FNBP1: variants seen among roughly 807,000 people sequenced by gnomAD.
FNBP1 encodes the protein formin-binding protein 1.
Under a neutral mutation model 90.6 loss-of-function variants are expected in FNBP1, and 26 were observed. That is an observed-to-expected ratio of 0.29 (90% CI 0.21 to 0.40). The LOEUF is 0.40. Ranked by LOEUF, FNBP1 falls within the 10% of genes least tolerant of loss-of-function variation. FNBP1 has a pLI of 1.00. For missense variants in FNBP1, 635 were observed against 768.0 expected (o/e 0.83, Z 2.05); for synonymous variants, 260 against 265.2 (o/e 0.98, Z 0.19).
Position 129,900,145 on chromosome 9 carries a change from C to A in FNBP1, c.1551-44G>T. 6.5e-7 allele frequency: 1 copy of A among 1,537,734 alleles called. No individual in the cohort carries two copies. Among genetic ancestry groups the A allele is most frequent in the Admixed American group, 2.0e-5 (1 of 49,010 alleles). On this transcript the variant is annotated intron_variant, in intron 14 of 16. Coordinates refer to ENST00000446176, the MANE Select transcript of FNBP1 (RefSeq NM_015033.3). The surrounding 1 kb of genome is among the most constrained non-coding windows in gnomAD (Gnocchi z 4.1). ...CACAAAGCAACTAAAGCGACTGACC[C>A]CAGGGAGGACTCAGATTGAGTCCCT...
chr9:129,924,596 C>T (rs993722769), intron 9 of FNBP1, among the ~76,000 whole-genome samples: 3 of 152,106 alleles, frequency 2.0e-5, no homozygotes, highest in Non-Finnish European at 2.9e-5. Flanking sequence ...AACATGGTAA[C>T]GATTTCCAGT....
At chr9:130,014,949 C>T (rs2057068931) in intron 1 of FNBP1, among the ~76,000 whole-genome samples, 1 of 150,348 alleles carries the variant, frequency 6.7e-6, no homozygotes, top group Non-Finnish European at 1.5e-5. Context: ...GCAAAAAAGA[C>T]TTCACCCTTG....
At chr9:130,032,038 C>A (rs1589383533) in intron 1 of FNBP1, among the ~76,000 whole-genome samples, 1 of 152,154 alleles carries the variant, frequency 6.6e-6, no homozygotes, top group Admixed American at 6.6e-5. Context: ...CACCACTACT[C>A]CTCTTGCCAA....
chr9:129,996,843 G>A lies in FNBP1; in HGVS notation c.25-1885C>T, dbSNP rs186076134. On this transcript the variant is annotated intron_variant, in intron 1 of 16. Coordinates refer to ENST00000446176, the MANE Select transcript of FNBP1 (RefSeq NM_015033.3). ...TGAGTAACTGGGACTATTGGCACCC[G>A]CCACCATGCCTTCACTAATTTTTGT... Among the ~76,000 whole-genome samples the A allele has an allele frequency of 1.4e-3, 207 of 152,066 alleles. 1 individual carries two copies. Among genetic ancestry groups the A allele is most frequent in the African/African-American group, 4.8e-3 (200 of 41,530 alleles).
At chr9:129,916,085 C>T (rs2040218177) in intron 10 of FNBP1, 105 bp from the exon 11 acceptor site, 2 of 786,210 alleles carry the variant, frequency 2.5e-6, no homozygotes, top group Non-Finnish European at 4.3e-6. Flanking sequence ...TGGTCAGTTC[C>T]GCCATATTAA....
chr9:130,037,942 T>C (rs1019685132), intron 1 of FNBP1, among the ~76,000 whole-genome samples: 2 of 152,288 alleles, frequency 1.3e-5, no homozygotes, highest in East Asian at 3.9e-4. Flanking sequence ...GTACAGTTGG[T>C]AGACAATCCT....
chr9:129,957,281 G>A lies in FNBP1; in HGVS notation c.513+79C>T, dbSNP rs562425026. 45 of 991,272 alleles carry A rather than the reference G, an allele frequency of 4.5e-5. No individual in the cohort carries two copies. Among genetic ancestry groups the A allele is most frequent in the Admixed American group, 7.9e-5 (4 of 50,576 alleles). The allele number at this position is 991,272 out of a possible 1,614,324, so 61.4% of individuals were successfully genotyped here. On this transcript the variant is annotated intron_variant, in intron 6 of 16. Transcript: ENST00000446176. This position sits in a 1 kb window ranked among gnomAD's most constrained non-coding sequence, Gnocchi z 4.3. ...TCGAACTCCTGGCCTCAGGTGATCCGCTCACCTCAGCCTCCCAAAGTGCTG... is the reference window on the plus strand; with the variant it reads ...TCGAACTCCTGGCCTCAGGTGATCCACTCACCTCAGCCTCCCAAAGTGCTG...
At position 129,907,434 on chromosome 9, in the gene FNBP1, C is replaced by A. The variant is rs961045395; in HGVS notation, c.1295+1456G>T. On this transcript the variant is annotated intron_variant, in intron 12 of 16. Transcript: ENST00000446176. The stretch of plus-strand genomic sequence containing the variant: ...AGTAACTGATAGAGCCAGATTTGAC[C>A]CCAGGGTATCTGGAGTGCTTGGTAT... Among the ~76,000 whole-genome samples the A allele has an allele frequency of 2.0e-5, 3 of 152,110 alleles. No individual in the cohort carries two copies. The South Asian group carries it at 6.2e-4, about 32-fold the overall frequency.
At chr9:130,010,425 T>C (rs1289162935) in intron 1 of FNBP1, among the ~76,000 whole-genome samples, 1 of 152,184 alleles carries the variant, frequency 6.6e-6, no homozygotes, top group Non-Finnish European at 1.5e-5. Context: ...ACCCGGATAC[T>C]TTTTGTATTT....
chr9:129,986,507 A>C (rs941815806), intron 2 of FNBP1, among the ~76,000 whole-genome samples: 1 of 152,118 alleles, frequency 6.6e-6, no homozygotes, highest in Non-Finnish European at 1.5e-5. Context: ...GGATCTAAAG[A>C]TAGGCCGGGC....
At chr9:130,048,703 C>T in the FNBP1 span, among the ~76,000 whole-genome samples, 1 of 148,920 alleles carries the variant, frequency 6.7e-6, no homozygotes, top group African/African-American at 2.5e-5. Context: ...TGGTCTCGAT[C>T]TCCTGACCTC....
rs377398980 is a variant in FNBP1 at position 129,957,444 on chromosome 9, G to A, written c.429C>T (p.Arg143=). 64 of 1,613,210 alleles carry A rather than the reference G, an allele frequency of 4.0e-5. No homozygotes were observed. The Middle Eastern group carries it at 4.9e-4, about 12-fold the overall frequency. ...QLESSKRRFE[R]DCKEADRAQQ... ...GCGCCCTGTCCGCCTCTTTGCAATC[G>A]CGTTCAAATCGCCTTTTACTCTAAA... Residue 143 remains arginine, a synonymous_variant, in exon 6 of 17, where the codon CGC becomes CGT. Transcript: ENST00000446176. This position sits in a 1 kb window ranked among gnomAD's most constrained non-coding sequence, Gnocchi z 4.3.
intron 11 of FNBP1, among the ~76,000 whole-genome samples, chr9:129,913,123 G>A (rs919991755): frequency 2.0e-5 from 3 of 152,034 alleles, no homozygotes; most frequent in African/African-American, 7.2e-5. Flanking sequence ...CAGGAGAAAC[G>A]CTTCAACCCG....
intron 4 of FNBP1, among the ~76,000 whole-genome samples, chr9:129,958,932 G>T (rs1281594614): frequency 8.1e-6 from 1 of 123,034 alleles, no homozygotes; most frequent in African/African-American, 3.1e-5. Flanking sequence ...GCCACATTGA[G>T]CTGTGATTGC....
chr9:129,958,400 C>T, intron 5 of FNBP1, 91 bp downstream of exon 5: 1 of 991,644 alleles, frequency 1.0e-6, no homozygotes, highest in East Asian at 2.7e-5. Context: ...CCATTGCACT[C>T]CAACCTGGGC....
chr9:129,890,585 TAGAG>T lies in FNBP1; in HGVS notation c.1847-43_1847-40del. 6.4e-7 allele frequency: 1 copy of T among 1,559,866 alleles called. No homozygotes were observed. Among genetic ancestry groups the T allele is most frequent in the Non-Finnish European group, 8.7e-7 (1 of 1,150,766 alleles). On this transcript the variant is annotated intron_variant, in intron 16 of 16. Coordinates refer to ENST00000446176, the MANE Select transcript of FNBP1 (RefSeq NM_015033.3). This position sits in a 1 kb window ranked among gnomAD's most constrained non-coding sequence, Gnocchi z 5.8. ...AGAAACAGAAAGAGAAACTCTCTGT[TAGAG>T]AGGAAGGCGCGGGTTCCAGGCGGGC...
chr9:130,021,577 G>C lies in FNBP1; in HGVS notation c.24+21375C>G, dbSNP rs116284188. 6.2e-3 allele frequency among the ~76,000 whole-genome samples: 945 copies of C among 152,114 alleles called. 5 individuals carry two copies. The highest frequency in any genetic ancestry group is 0.021 in the African/African-American group (891 of 41,494). Reference sequence around the variant, plus strand: ...AATAACAATTTCCAATTAATTATTTGAATTTAGTTTAATGTTGTGGGTGTA... The same window carrying C: ...AATAACAATTTCCAATTAATTATTTCAATTTAGTTTAATGTTGTGGGTGTA... On this transcript the variant is annotated intron_variant, in intron 1 of 16. Transcript: ENST00000446176.
chr9:130,037,860 A>G (rs543349771), intron 1 of FNBP1, among the ~76,000 whole-genome samples: 1 of 152,272 alleles, frequency 6.6e-6, no homozygotes, highest in South Asian at 2.1e-4. Flanking sequence ...AAACAAAAGG[A>G]AAAAAAGGGA....
At position 130,042,829 on chromosome 9, in the gene FNBP1, G is replaced by T; in HGVS notation, c.24+123C>A. ...TGGAACCCCGCCTCCTCCCCAGGCC[G>T]CGAGGACCCCGACCAGCGCGCCCTC... is the stretch of plus-strand genomic sequence containing the variant. On this transcript the variant is annotated intron_variant, in intron 1 of 16. Transcript: ENST00000446176. This position sits in a 1 kb window ranked among gnomAD's most constrained non-coding sequence, Gnocchi z 5.5. 1 of 587,800 alleles carries T rather than the reference G, an allele frequency of 1.7e-6. No homozygotes were observed. Among genetic ancestry groups the T allele is most frequent in the Non-Finnish European group, 2.5e-6 (1 of 406,264 alleles). 36.4% of individuals were successfully genotyped at this position (587,800 alleles called of 1,614,324 possible). A position where few individuals can be genotyped will look rare whatever the true frequency, so the allele number is the denominator to read the frequency against.
Sources: allele counts gnomAD v4.1 joint callset (sites outside exome capture counted in the v4.1 genomes callset), GRCh38; gene constraint gnomAD v4.1.1; non-coding constraint Gnocchi (gnomAD v3.1); transcripts MANE v1.5; gene names NCBI Gene and HGNC (gene_info 2026-07-23, HGNC 2026-07-21).